The following LRRC9 variants were observed in gnomAD, a reference collection of about 807,000 sequenced individuals.
LRRC9 encodes the protein leucine rich repeat containing 9, also known as leucine-rich repeat-containing protein 9.
Under a neutral mutation model 63.2 loss-of-function variants are expected in LRRC9, and 122 were observed. That is an observed-to-expected ratio of 1.93 (90% CI 1.67 to 2.24). LRRC9 has a LOEUF of 2.24. LRRC9 is among the 30% of genes most tolerant of loss of function. LRRC9 has a pLI of 0.00. For missense variants in LRRC9, 1,071 were observed against 627.7 expected, an observed-to-expected ratio of 1.71 and a Z score of -7.55; for synonymous variants, 366 against 213.1, an observed-to-expected ratio of 1.72 and a Z score of -6.25.
chr14:59,985,760 A>G (rs1887400833), intron 17 of LRRC9, among the ~76,000 whole-genome samples: 1 of 152,188 alleles, frequency 6.6e-6, no homozygotes, highest in Admixed American at 6.5e-5. Flanking sequence ...AGCCTAAATC[A>G]GCCTAAATAC....
intron 17 of LRRC9, among the ~76,000 whole-genome samples, chr14:59,987,716 A>G (rs1351759985): frequency 6.6e-6 from 1 of 152,092 alleles, no homozygotes; most frequent in Non-Finnish European, 1.5e-5. Context: ...GTGATATCTT[A>G]TTGTCTCACT....
Position 59,994,254 on chromosome 14 carries a change from G to A in LRRC9, c.2212-3402G>A, listed in dbSNP as rs536978541. 5.3e-5 allele frequency among the ~76,000 whole-genome samples: 8 copies of A among 152,178 alleles called. No homozygotes were observed. The East Asian group carries it at 1.5e-3, about 29-fold the overall frequency. ...ACATTTATGCAACCAAAAGACACAG[G>A]AAAAAATGCTCATCATCACTGGCCA... On this transcript the variant is annotated intron_variant, in intron 17 of 31. Transcript: ENST00000445360.
At chr14:60,052,410 G>A (rs949704593) in intron 29 of LRRC9, among the ~76,000 whole-genome samples, 4 of 152,060 alleles carry the variant, frequency 2.6e-5, no homozygotes, top group Non-Finnish European at 5.9e-5. Context: ...ATTTTTTTGG[G>A]GGATGGTTAC....
At chr14:59,985,774 T>C (rs1361096109) in intron 17 of LRRC9, among the ~76,000 whole-genome samples, 3 of 152,196 alleles carry the variant, frequency 2.0e-5, no homozygotes, top group Admixed American at 2.0e-4. Context: ...TAAATACATA[T>C]ACTGTATTAT....
intron 29 of LRRC9, among the ~76,000 whole-genome samples, chr14:60,039,918 T>G (rs1892796989): frequency 6.6e-6 from 1 of 152,138 alleles, no homozygotes; most frequent in Non-Finnish European, 1.5e-5. Flanking sequence ...TAAATTTCCT[T>G]CTACACACTG....
chr14:60,065,364 C>G (rs1486949986), downstream of LRRC9, among the ~76,000 whole-genome samples: 1 of 151,254 alleles, frequency 6.6e-6, no homozygotes, highest in East Asian at 2.0e-4. Context: ...ATTACACCAC[C>G]ACGCCAGGTG....
Position 59,962,831 on chromosome 14 carries a change from T to G in LRRC9, c.1211+1786T>G, listed in dbSNP as rs1198282382. The stretch of plus-strand genomic sequence containing the variant: ...ATGACCAAAAAGCCATTTAGATAAC[T>G]ATGTCAGCCTGATAGTAAATTAGAT... On this transcript the variant is annotated intron_variant, in intron 10 of 31. Coordinates refer to ENST00000445360, the Ensembl canonical transcript of LRRC9. The surrounding 1 kb of genome is among the most constrained non-coding windows in gnomAD (Gnocchi z 5.1). 6.6e-6 allele frequency among the ~76,000 whole-genome samples: 1 copy of G among 152,104 alleles called. No homozygotes were observed. Among genetic ancestry groups the G allele is most frequent in the Non-Finnish European group, 1.5e-5 (1 of 68,004 alleles).
At chr14:59,945,186 C>T (rs1170566046) in intron 8 of LRRC9, among the ~76,000 whole-genome samples, 1 of 149,532 alleles carries the variant, frequency 6.7e-6, no homozygotes, top group Admixed American at 6.7e-5. Context: ...CTAAGGTATA[C>T]AACAAAGTGG....
At chr14:59,959,858 G>A (rs370100994) in exon 9 of LRRC9, 1 of 679,932 alleles carries the variant, frequency 1.5e-6, no homozygotes, top group East Asian at 2.7e-5. Flanking sequence ...TCGGGCAAAG[G>A]GCACAGTGAT....
In LRRC9 at chr14:60,027,708, A is replaced by G. The variant is rs917216558; in HGVS notation, c.3704-176A>G. Reference sequence around the variant, plus strand: ...GAGAAATTTTAGCAAATATTATTTTATGATGATGCTACCTTCCTGTAAATT... The same window carrying G: ...GAGAAATTTTAGCAAATATTATTTTGTGATGATGCTACCTTCCTGTAAATT... On this transcript the variant is annotated intron_variant, in intron 27 of 31. Coordinates refer to ENST00000445360, the Ensembl canonical transcript of LRRC9. The surrounding 1 kb of genome is among the most constrained non-coding windows in gnomAD (Gnocchi z 4.0). Among the ~76,000 whole-genome samples, 1 of 152,124 alleles carries G rather than the reference A, an allele frequency of 6.6e-6. No individual in the cohort carries two copies. Among genetic ancestry groups the G allele is most frequent in the South Asian group, 2.1e-4 (1 of 4,836 alleles).
Position 60,051,302 on chromosome 14 carries a change from G to A in LRRC9, c.3991-1763G>A, listed in dbSNP as rs932850304. ...AGTGACTCCAGGCCCCCCACAAGGG[G>A]GCCCCGCCCAGTGAGGAAGAATGGA... On this transcript the variant is annotated intron_variant, in intron 29 of 31. Coordinates refer to ENST00000445360, the Ensembl canonical transcript of LRRC9. The surrounding 1 kb of genome is among the most constrained non-coding windows in gnomAD (Gnocchi z 4.7). Among the ~76,000 whole-genome samples the A allele has an allele frequency of 4.6e-5, 7 of 152,170 alleles. No individual in the cohort carries two copies. Among genetic ancestry groups the A allele is most frequent in the Non-Finnish European group, 1.0e-4 (7 of 68,016 alleles).
intron 19 of LRRC9, among the ~76,000 whole-genome samples, chr14:60,000,966 A>T (rs549190140): frequency 1.2e-4 from 18 of 152,294 alleles, no homozygotes; most frequent in Non-Finnish European, 1.9e-4. Context: ...AGAACAGCCA[A>T]TTAACTTAGG....
At chr14:60,034,275 C>T (rs1892247429) in intron 29 of LRRC9, among the ~76,000 whole-genome samples, 1 of 151,834 alleles carries the variant, frequency 6.6e-6, no homozygotes, top group East Asian at 1.9e-4. Context: ...CCTCGGCCTC[C>T]CAAAGTGCTG....
chr14:60,047,613 T>C (rs1000379570), intron 29 of LRRC9, among the ~76,000 whole-genome samples: 1 of 152,286 alleles, frequency 6.6e-6, no homozygotes, highest in African/African-American at 2.4e-5. Flanking sequence ...CCTAAATATA[T>C]AGTCACACCA....
At chr14:59,993,727 G>T (rs219357) in intron 17 of LRRC9, among the ~76,000 whole-genome samples, 39 of 152,120 alleles carry the variant, frequency 2.6e-4, no homozygotes, top group African/African-American at 8.4e-4. Flanking sequence ...GGCCATTACA[G>T]AATGGTAAAG....
At position 59,967,311 on chromosome 14, in the gene LRRC9, T is replaced by C. The variant is rs1455050642; in HGVS notation, c.1506+98T>C. Reference sequence around the variant, plus strand: ...TTCCCAATCCTTTTATCCATATTTATAGTAAATTTCTACTGCTGTTTCACA... The same window carrying C: ...TTCCCAATCCTTTTATCCATATTTACAGTAAATTTCTACTGCTGTTTCACA... On this transcript the variant is annotated intron_variant, in intron 12 of 31. Coordinates refer to ENST00000445360, the Ensembl canonical transcript of LRRC9. 5 of 473,600 alleles carry C rather than the reference T, an allele frequency of 1.1e-5. No homozygotes were observed. In the Admixed American group the frequency reaches 1.7e-4, roughly 16 times the overall value. The allele number at this position is 473,600 out of a possible 1,614,324, so 29.3% of individuals were successfully genotyped here.
intron 17 of LRRC9, among the ~76,000 whole-genome samples, chr14:59,987,152 T>C (rs965740890): frequency 1.3e-5 from 2 of 152,098 alleles, no homozygotes; most frequent in African/African-American, 2.4e-5. Context: ...AAGCCTCTTC[T>C]ATGTGCCCCA....
rs374318908 is a variant in LRRC9, at chr14:59,931,205, TA to T, written c.408+148del. 1,119 of 295,304 alleles carry T rather than the reference TA, an allele frequency of 3.8e-3. 10 individuals are homozygous for T. The highest frequency in any genetic ancestry group is 0.023 in the African/African-American group (1,047 of 46,500). 18.3% of individuals were successfully genotyped at this position (295,304 alleles called of 1,614,324 possible). On this transcript the variant is annotated intron_variant, in intron 4 of 31. Coordinates refer to ENST00000445360, the Ensembl canonical transcript of LRRC9. The stretch of plus-strand genomic sequence containing the variant: ...TTGTCAAAAAGAACTAACATGTATA[TA>T]GCATTTTATAAGGTACAGAGGGCAT...
exon 32 of LRRC9, chr14:60,063,435 GGTCA>G (rs1894785093): frequency 1.5e-6 from 1 of 650,686 alleles, no homozygotes; most frequent in South Asian, 1.7e-5. Context: ...AGCGGACAGT[GGTCA>G]GTTAAAAAAA....
Sources: allele counts gnomAD v4.1 joint callset (sites outside exome capture counted in the v4.1 genomes callset), GRCh38; gene constraint gnomAD v4.1.1; non-coding constraint Gnocchi (gnomAD v3.1); transcripts MANE v1.5; gene names NCBI Gene and HGNC (gene_info 2026-07-23, HGNC 2026-07-21).